Variants in ABCB7 observed in about 807,000 individuals in gnomAD.
ABCB7 encodes the protein iron-sulfur clusters transporter ABCB7, mitochondrial.
In ABCB7, 7 loss-of-function variants were observed where a neutral mutation model predicts 54.4. The observed-to-expected ratio is 0.13, with a 90% confidence interval of 0.07 to 0.24. The LOEUF (loss-of-function observed/expected upper bound fraction) is 0.24, where lower values mean the gene tolerates loss of function less well. Ranked by LOEUF, ABCB7 falls within the 10% of genes least tolerant of loss-of-function variation. The probability of loss-of-function intolerance (pLI) is 1.00; values close to 1 mark genes in which losing one functional copy is unlikely to be tolerated. For synonymous variants in ABCB7, 218 were observed against 207.1 expected (o/e 1.05, Z -0.45); for missense variants, 356 against 570.4 (o/e 0.62, Z 3.83).
intron 1 of ABCB7, among the ~76,000 whole-genome samples, chrX:75,125,960 C>T (rs1331949860): frequency 9.0e-6 from 1 of 111,323 alleles, no homozygotes; most frequent in East Asian, 2.8e-4. Flanking sequence ...AAAGTACCCA[C>T]TTTTCTTTTC....
At chrX:75,151,011 T>A (rs1275530722) in intron 1 of ABCB7, among the ~76,000 whole-genome samples, 2 of 111,045 alleles carry the variant, frequency 1.8e-5, no homozygotes, top group Non-Finnish European at 3.8e-5. Context: ...GATTACTGAC[T>A]GGAAGAGGGG....
chrX:75,132,060 G>A (rs191537280), intron 1 of ABCB7, among the ~76,000 whole-genome samples: 17 of 111,527 alleles, frequency 1.5e-4, no homozygotes, highest in African/African-American at 5.5e-4. Flanking sequence ...CCGGGCTTGG[G>A]GCTGCGCGTA....
At chrX:75,136,100 T>C (rs990249244) in intron 1 of ABCB7, among the ~76,000 whole-genome samples, 3 of 110,907 alleles carry the variant, frequency 2.7e-5, no homozygotes, top group Non-Finnish European at 5.7e-5. Context: ...GAAAACCTCA[T>C]AGTCCTTGTT....
At position 75,112,989 on chromosome X, in the gene ABCB7, C is replaced by T. The variant is rs762666141; in HGVS notation, c.247-17G>A. The stretch of plus-strand genomic sequence containing the variant: ...CTGGAGAGCCTAATTGAAGATGATA[C>T]CAAGCAGTCCGTTAGCTATTACAGA... On this transcript the variant is annotated splice_polypyrimidine_tract_variant and intron_variant, in intron 2 of 15. Transcript: ENST00000373394. 8.4e-5 allele frequency: 97 copies of T among 1,153,981 alleles called. 1 individual carries two copies. The South Asian group carries it at 1.6e-3, about 19-fold the overall frequency.
At chrX:75,152,689 T>A (rs768290334) in intron 1 of ABCB7, among the ~76,000 whole-genome samples, 1 of 109,123 alleles carries the variant, frequency 9.2e-6, no homozygotes, top group East Asian at 2.9e-4. Flanking sequence ...AGAGGAAGTC[T>A]CGCTCTGTCG....
At chrX:75,099,388 CA>C (rs1249038387) in intron 3 of ABCB7, among the ~76,000 whole-genome samples, 1 of 110,804 alleles carries the variant, frequency 9.0e-6, no homozygotes, top group Non-Finnish European at 1.9e-5. Flanking sequence ...ACAGAAAATT[CA>C]AAAAAAATTT....
At chrX:75,105,331 T>C (rs1401310239) in intron 3 of ABCB7, among the ~76,000 whole-genome samples, 1 of 111,391 alleles carries the variant, frequency 9.0e-6, no homozygotes, top group Non-Finnish European at 1.9e-5. Context: ...AAGTTCAGGA[T>C]ACAAAATCAA....
intron 1 of ABCB7, among the ~76,000 whole-genome samples, chrX:75,126,474 C>T (rs1269216584): frequency 4.5e-5 from 5 of 110,660 alleles, no homozygotes; most frequent in Non-Finnish European, 9.5e-5. Context: ...AATCAACACC[C>T]TAACATGACA....
chrX:75,084,719 C>T (rs1213025666), intron 4 of ABCB7, among the ~76,000 whole-genome samples: 1 of 111,454 alleles, frequency 9.0e-6, no homozygotes, highest in Non-Finnish European at 1.9e-5. Context: ...AAAATATCTG[C>T]AAATCATATA....
chrX:75,096,779 T>G (rs1465733401), intron 4 of ABCB7, among the ~76,000 whole-genome samples: 1 of 110,125 alleles, frequency 9.1e-6, no homozygotes, highest in African/African-American at 3.3e-5. Flanking sequence ...CATCCTGGAA[T>G]CCTACTTTTT....
chrX:75,139,006 CAAAAA>C (rs60785681), intron 1 of ABCB7, among the ~76,000 whole-genome samples: 3 of 57,850 alleles, frequency 5.2e-5, no homozygotes, highest in Non-Finnish European at 3.3e-5. Context: ...GACTCTGCCT[CAAAAA>C]AAAAAAAAAA....
chrX:75,084,519 A>C (rs1056993937), intron 4 of ABCB7, among the ~76,000 whole-genome samples: 5 of 112,310 alleles, frequency 4.5e-5, no homozygotes, highest in East Asian at 5.5e-4. Flanking sequence ...AAAAATATAT[A>C]AAACTTTTAG....
intron 3 of ABCB7, among the ~76,000 whole-genome samples, chrX:75,107,368 C>A (rs1439986054): frequency 9.0e-6 from 1 of 111,463 alleles, no homozygotes; most frequent in Non-Finnish European, 1.9e-5. Flanking sequence ...TACTGAGACA[C>A]CAGCTGGGGT....
At chrX:75,135,293 TAAACAGATAA>T (rs2082002004) in intron 1 of ABCB7, among the ~76,000 whole-genome samples, 1 of 110,595 alleles carries the variant, frequency 9.0e-6, no homozygotes, top group South Asian at 3.8e-4. Context: ...ATTGAAGCCC[TAAACAGATAA>T]ATGAGTTCCA....
intron 1 of ABCB7, among the ~76,000 whole-genome samples, chrX:75,119,835 T>TAC (rs1228717258): frequency 8.9e-6 from 1 of 112,145 alleles, no homozygotes; most frequent in East Asian, 2.8e-4. Context: ...TTTCCTTGAA[T>TAC]AGTGGCTGTC....
At chrX:75,084,033 G>T (rs1188210545) in intron 4 of ABCB7, among the ~76,000 whole-genome samples, 1 of 110,783 alleles carries the variant, frequency 9.0e-6, no homozygotes, top group African/African-American at 3.3e-5. Context: ...TTGAGACGAA[G>T]GAAAGCAGAA....
chrX:75,063,997 G>A (rs1022303328), intron 13 of ABCB7, among the ~76,000 whole-genome samples: 1 of 111,025 alleles, frequency 9.0e-6, no homozygotes, highest in East Asian at 2.8e-4. Context: ...TTAGCCAAAC[G>A]GACACATAAT....
chrX:75,129,500 A>G (rs928702734), intron 1 of ABCB7, among the ~76,000 whole-genome samples: 1 of 109,790 alleles, frequency 9.1e-6, no homozygotes, highest in Non-Finnish European at 1.9e-5. Flanking sequence ...AATGTAGATG[A>G]CGGGTTGATG....
intron 4 of ABCB7, among the ~76,000 whole-genome samples, chrX:75,078,248 C>T (rs908666942): frequency 3.4e-4 from 38 of 110,945 alleles, no homozygotes; most frequent in African/African-American, 1.2e-3. Flanking sequence ...CTCTTCAAAG[C>T]CCAATTTTAA....
Sources: gnomAD v4.1 joint callset for allele counts (sites outside exome capture counted in the v4.1 genomes callset) on GRCh38, gnomAD v4.1.1 for gene constraint, MANE v1.5 for transcripts, NCBI Gene and HGNC (gene_info 2026-07-23, HGNC 2026-07-21) for gene names.